RPS6KA1: variants seen among roughly 807,000 people sequenced by gnomAD.
The protein encoded by RPS6KA1 is ribosomal protein S6 kinase alpha-1.
RPS6KA1 carries 48 observed loss-of-function variants against 91.3 expected under a neutral mutation model. The observed-to-expected ratio is 0.53, with a 90% confidence interval of 0.42 to 0.67. The LOEUF is 0.67. Among genes scored for constraint, RPS6KA1 ranks in the 30% least tolerant of loss-of-function variants. The pLI, the probability that RPS6KA1 is intolerant of heterozygous loss-of-function variation, is 0.00. For synonymous variants in RPS6KA1, 359 were observed against 384.7 expected (o/e 0.93, Z 0.78); for missense variants, 719 against 960.5 (o/e 0.75, Z 3.32).
chr1:26,553,719 CT>C (rs1306492727), intron 7 of RPS6KA1: 10 of 320,974 alleles, frequency 3.1e-5, no homozygotes, highest in Admixed American at 2.3e-4. Flanking sequence ...TGTTGCCCGT[CT>C]TTTTTTGCTA....
At chr1:26,546,724 C>A in intron 2 of RPS6KA1, 143 bp from the exon 3 acceptor site, 1 of 634,974 alleles carries the variant, frequency 1.6e-6, no homozygotes, top group Non-Finnish European at 2.8e-6. Context: ...ATCGATGACC[C>A]TGGAGGCTAG....
chr1:26,569,228 G>C (rs1051807546), intron 17 of RPS6KA1, among the ~76,000 whole-genome samples: 2 of 152,082 alleles, frequency 1.3e-5, no homozygotes, highest in Admixed American at 1.3e-4. Context: ...CTGTAAAATG[G>C]AGCTAATAAT....
intron 2 of RPS6KA1, chr1:26,545,899 G>A (rs760892746): frequency 4.5e-5 from 70 of 1,569,904 alleles, no homozygotes; most frequent in Middle Eastern, 4.2e-4. Context: ...CCTGCTGGGC[G>A]GATGGAGCAG....
At chr1:26,549,663 C>G (rs377340187) in intron 4 of RPS6KA1, among the ~76,000 whole-genome samples, 1 of 150,728 alleles carries the variant, frequency 6.6e-6, no homozygotes, top group East Asian at 1.9e-4. Flanking sequence ...CAAAATGAAC[C>G]TAGGCAGCCA....
At chr1:26,534,634 G>T (rs1460885540) in intron 1 of RPS6KA1, among the ~76,000 whole-genome samples, 3 of 152,174 alleles carry the variant, frequency 2.0e-5, no homozygotes, top group African/African-American at 4.8e-5. Flanking sequence ...TACATGTCAG[G>T]TGTATATATT....
intron 2 of RPS6KA1, chr1:26,545,841 CA>C: frequency 6.7e-7 from 1 of 1,492,664 alleles, no homozygotes; most frequent in South Asian, 1.3e-5. Flanking sequence ...TCCCGGCCAC[CA>C]CTGCGGCAGC....
At chr1:26,556,537 C>T (rs987501437) in intron 11 of RPS6KA1, 117 bp from the exon 12 acceptor site, 1 of 1,044,954 alleles carries the variant, frequency 9.6e-7, no homozygotes, top group Non-Finnish European at 1.5e-6. Flanking sequence ...TGAGTGAGCC[C>T]ATTTTCCCCT....
chr1:26,564,350 C>T (rs2076180271), intron 17 of RPS6KA1, among the ~76,000 whole-genome samples: 1 of 152,132 alleles, frequency 6.6e-6, no homozygotes, highest in African/African-American at 2.4e-5. Flanking sequence ...GCTCCGCCTC[C>T]CAGGTTCACG....
At position 26,540,232 on chromosome 1, in the gene RPS6KA1, G is replaced by A. The variant is rs115451634; in HGVS notation, c.108+3263G>A. ...CATTTTGCTTCTAGAAACAATCTGA[G>A]AGTGGAGCATATTGTTCTAACCTTC... is the stretch of plus-strand genomic sequence containing the variant. On this transcript the variant is annotated intron_variant, in intron 2 of 21. Coordinates refer to ENST00000374168, the MANE Select transcript of RPS6KA1 (RefSeq NM_002953.4). This position sits in a 1 kb window ranked among gnomAD's most constrained non-coding sequence, Gnocchi z 4.2. Among the ~76,000 whole-genome samples the A allele has an allele frequency of 0.023, 3,453 of 152,264 alleles. 143 individuals are homozygous for A. The highest frequency in any genetic ancestry group is 0.078 in the African/African-American group (3,257 of 41,530).
intron 2 of RPS6KA1, 107 bp downstream of exon 2, chr1:26,537,076 G>A: frequency 1.6e-6 from 2 of 1,212,866 alleles, no homozygotes; most frequent in Non-Finnish European, 2.4e-6. Flanking sequence ...GCCCAACTCA[G>A]CCGTCCTTCT....
chr1:26,553,736 G>C, intron 7 of RPS6KA1: 1 of 306,264 alleles, frequency 3.3e-6, no homozygotes, highest in Non-Finnish European at 6.1e-6. Context: ...TGCTAATCTA[G>C]TGTGACATTT....
rs911113830 is a variant in RPS6KA1 at position 26,554,961 on chromosome 1, C to T, written c.757-190C>T. ...CCAGTGCTGGCCTTCTCCCCAGCCT[C>T]GCGCCCCCACCGCTGCTCCTGGTGG... On this transcript the variant is annotated intron_variant, in intron 9 of 21. Transcript: ENST00000374168. This position sits in a 1 kb window ranked among gnomAD's most constrained non-coding sequence, Gnocchi z 4.6. 6.6e-6 allele frequency among the ~76,000 whole-genome samples: 1 copy of T among 152,168 alleles called. No individual in the cohort carries two copies. Among genetic ancestry groups the T allele is most frequent in the African/African-American group, 2.4e-5 (1 of 41,448 alleles).
intron 4 of RPS6KA1, among the ~76,000 whole-genome samples, chr1:26,549,584 A>G (rs1170321208): frequency 6.6e-6 from 1 of 151,934 alleles, no homozygotes; most frequent in Non-Finnish European, 1.5e-5. Flanking sequence ...AAAAAAGTCA[A>G]AGGACACATG....
Position 26,574,580 on chromosome 1 carries a change from C to A in RPS6KA1, c.*379C>A. The A allele has an allele frequency of 2.4e-6, 1 of 408,824 alleles. No homozygotes were observed. The highest frequency in any genetic ancestry group is 4.9e-6 in the Non-Finnish European group (1 of 205,832). The allele number at this position is 408,824 out of a possible 1,614,324, so 25.3% of individuals were successfully genotyped here. On this transcript the variant is annotated 3_prime_UTR_variant, in exon 22 of 22. Coordinates refer to ENST00000374168, the MANE Select transcript of RPS6KA1 (RefSeq NM_002953.4). The surrounding 1 kb of genome is among the most constrained non-coding windows in gnomAD (Gnocchi z 4.3). The stretch of plus-strand genomic sequence containing the variant: ...AGACTCTTTAGAGCAGCTTTGGGAT[C>A]CCACCCTGGGGACCCCCACGATTGG...
intron 2 of RPS6KA1, among the ~76,000 whole-genome samples, chr1:26,545,190 G>A (rs1225032516): frequency 1.5e-4 from 22 of 146,172 alleles, no homozygotes; most frequent in Non-Finnish European, 2.8e-4. Context: ...TTTTTTTTGA[G>A]ATGGAGTCTT....
In RPS6KA1 at chr1:26,540,288, C is replaced by G. The variant is rs2075937218; in HGVS notation, c.108+3319C>G. On this transcript the variant is annotated intron_variant, in intron 2 of 21. Coordinates refer to ENST00000374168, the MANE Select transcript of RPS6KA1 (RefSeq NM_002953.4). This position sits in a 1 kb window ranked among gnomAD's most constrained non-coding sequence, Gnocchi z 4.2. ...ACAGAGGAGGAAACCGAGGTTCAGA[C>G]AGGGAAACAGATTTGCCCGGGAGCA... 6.6e-6 allele frequency among the ~76,000 whole-genome samples: 1 copy of G among 152,210 alleles called. No homozygotes were observed. Among genetic ancestry groups the G allele is most frequent in the Non-Finnish European group, 1.5e-5 (1 of 68,032 alleles).
rs201699710 is a variant in RPS6KA1, at chr1:26,545,961, A to G, written c.109-906A>G. 5.5e-4 allele frequency: 886 copies of G among 1,605,146 alleles called. 2 individuals are homozygous for G. The highest frequency in any genetic ancestry group is 6.0e-4 in the Non-Finnish European group (707 of 1,176,878). On this transcript the variant is annotated intron_variant, in intron 2 of 21. Coordinates refer to ENST00000374168, the MANE Select transcript of RPS6KA1 (RefSeq NM_002953.4). ...CTGGGCCCTGATCCCCTGGCTTCCCAGGAAGCAGCGGCCCAGGATCAGCCA... is the reference window on the plus strand; with the variant it reads ...CTGGGCCCTGATCCCCTGGCTTCCCGGGAAGCAGCGGCCCAGGATCAGCCA...
chr1:26,539,996 G>A (rs978076041), intron 2 of RPS6KA1, among the ~76,000 whole-genome samples: 7 of 152,344 alleles, frequency 4.6e-5, no homozygotes, highest in African/African-American at 1.4e-4. Context: ...TAGGCAGGAT[G>A]TGACTGTGGA....
At chr1:26,569,927 G>A (rs1452890840) in intron 17 of RPS6KA1, among the ~76,000 whole-genome samples, 1 of 152,150 alleles carries the variant, frequency 6.6e-6, no homozygotes, top group Non-Finnish European at 1.5e-5. Flanking sequence ...AGGGACTTTG[G>A]GCTTTATCTT....
Sources: allele counts gnomAD v4.1 joint callset (sites outside exome capture counted in the v4.1 genomes callset), GRCh38; gene constraint gnomAD v4.1.1; non-coding constraint Gnocchi (gnomAD v3.1); transcripts MANE v1.5; gene names NCBI Gene and HGNC (gene_info 2026-07-23, HGNC 2026-07-21).